Variants in DTNA observed in about 807,000 individuals in gnomAD.
DTNA encodes dystrophin-related protein 3.
A neutral mutation model predicts 100.7 loss-of-function variants in DTNA; 43 were observed. That is an observed-to-expected ratio of 0.43 (90% CI 0.33 to 0.55). The LOEUF is 0.55. DTNA is among the 20% of genes least tolerant of loss of function. The pLI is 0.04. For missense variants in DTNA, 798 were observed against 953.9 expected, an observed-to-expected ratio of 0.84 and a Z score of 2.15; for synonymous variants, 349 against 347.9, an observed-to-expected ratio of 1.00 and a Z score of -0.04.
chr18:34,705,359 C>G (rs2081984300), upstream of DTNA, among the ~76,000 whole-genome samples: 1 of 152,114 alleles, frequency 6.6e-6, no homozygotes, highest in Non-Finnish European at 1.5e-5. Flanking sequence ...ACTACCATTC[C>G]TGACTTGGAC....
chr18:34,553,989 AC>A (rs2045745526), intron 1 of DTNA, among the ~76,000 whole-genome samples: 2 of 148,856 alleles, frequency 1.3e-5, no homozygotes, highest in South Asian at 4.3e-4. Flanking sequence ...TTTTCACGAT[AC>A]TGATTCTTCC....
chr18:34,887,810 T>C lies in DTNA; in HGVS notation c.*76T>C. The stretch of plus-strand genomic sequence containing the variant: ...ATGATGAAAGTAACATGAAAACTGG[T>C]GATGATGGAGAGCCCTGTGGCCACA... On this transcript the variant is annotated 3_prime_UTR_variant, in exon 23 of 23. Coordinates refer to ENST00000444659, the MANE Select transcript of DTNA (RefSeq NM_001386795.1). The C allele has an allele frequency of 1.0e-6, 1 of 985,672 alleles. No individual in the cohort carries two copies. 61.1% of individuals were successfully genotyped at this position (985,672 alleles called of 1,614,324 possible).
At chr18:34,503,549 G>A (rs976176805) in intron 1 of DTNA, among the ~76,000 whole-genome samples, 12 of 151,992 alleles carry the variant, frequency 7.9e-5, no homozygotes, top group South Asian at 4.1e-4. Context: ...CTCCCAAAGC[G>A]CTGGGATTAT....
rs117966460 is a variant in DTNA at position 34,614,440 on chromosome 18, C to G, written c.-2+120926C>G. On this transcript the variant is annotated intron_variant, in intron 1 of 19. Coordinates refer to the DTNA transcript ENST00000283365. ...GCTGTAGCTGCAATAGACAATGATT[C>G]CTCTGATGGATCTGGACAAAGTAAA... Among the ~76,000 whole-genome samples the G allele has an allele frequency of 4.9e-4, 74 of 152,226 alleles. 1 individual carries two copies. In the East Asian group the frequency reaches 0.014, roughly 28 times the overall value.
chr18:34,726,289 T>C (rs3931636), intron 1 of DTNA, among the ~76,000 whole-genome samples: 16,679 of 152,058 alleles, frequency 0.11, 1,290 homozygotes, highest in African/African-American at 0.21. Flanking sequence ...GGGATCAGAA[T>C]ATCCAAATCT....
At chr18:34,829,310 G>C in intron 10 of DTNA, 90 bp from the exon 11 acceptor site, 3 of 1,525,534 alleles carry the variant, frequency 2.0e-6, no homozygotes, top group Non-Finnish European at 2.6e-6. Context: ...GTTCAATAAA[G>C]CTGTGTACAC....
At chr18:34,751,030 G>A (rs1383753140) in intron 1 of DTNA, among the ~76,000 whole-genome samples, 2 of 152,228 alleles carry the variant, frequency 1.3e-5, no homozygotes, top group Non-Finnish European at 2.9e-5. Flanking sequence ...GGGGCAAAGA[G>A]TTGGAGCCAT....
chr18:34,534,206 G>A (rs771081981), intron 1 of DTNA, among the ~76,000 whole-genome samples: 3 of 151,964 alleles, frequency 2.0e-5, no homozygotes, highest in African/African-American at 7.3e-5. Flanking sequence ...AAAATTAGCC[G>A]GGCATGGTGG....
chr18:34,601,468 G>C (rs958411907), intron 1 of DTNA, among the ~76,000 whole-genome samples: 1 of 152,106 alleles, frequency 6.6e-6, no homozygotes, highest in Non-Finnish European at 1.5e-5. Context: ...CCAGCGTCTG[G>C]AGTCAAGTCC....
chr18:34,663,434 G>T (rs2075473242), intron 1 of DTNA, among the ~76,000 whole-genome samples: 1 of 152,090 alleles, frequency 6.6e-6, no homozygotes, highest in African/African-American at 2.4e-5. Flanking sequence ...CAAAGTGTTG[G>T]GATTAGAGGC....
intron 1 of DTNA, among the ~76,000 whole-genome samples, chr18:34,595,341 T>C (rs1210185909): frequency 6.6e-6 from 1 of 152,172 alleles, no homozygotes; most frequent in Non-Finnish European, 1.5e-5. Flanking sequence ...GAAAATATGT[T>C]AGGCTTACCA....
rs113373220 is a variant in DTNA at position 34,839,533 on chromosome 18, A to G, written c.1346+696A>G. Among the ~76,000 whole-genome samples the G allele has an allele frequency of 2.5e-3, 375 of 152,340 alleles. 2 individuals are homozygous for G. The highest frequency in any genetic ancestry group is 4.8e-3 in the South Asian group (23 of 4,828). The stretch of plus-strand genomic sequence containing the variant: ...CTTCCATTGGTTAAAGTTACTTGAT[A>G]TTAATAATAAATGTGGATTTGCAGC... On this transcript the variant is annotated intron_variant, in intron 13 of 22. Coordinates refer to ENST00000444659, the MANE Select transcript of DTNA (RefSeq NM_001386795.1).
chr18:34,698,850 AG>A (rs1368613449), intron 1 of DTNA, among the ~76,000 whole-genome samples: 1 of 152,036 alleles, frequency 6.6e-6, no homozygotes, highest in East Asian at 1.9e-4. Flanking sequence ...GATTGAGGGT[AG>A]GTCTGCCATT....
At chr18:34,791,898 G>T (rs1006592249) in intron 3 of DTNA, among the ~76,000 whole-genome samples, 1 of 152,128 alleles carries the variant, frequency 6.6e-6, no homozygotes, top group Admixed American at 6.5e-5. Context: ...AAGGAAGTGA[G>T]ACTCTAAGTC....
chr18:34,646,769 G>A lies in DTNA; in HGVS notation c.-1-109207G>A, dbSNP rs185768848. Among the ~76,000 whole-genome samples, 451 of 152,112 alleles carry A rather than the reference G, an allele frequency of 3.0e-3. 1 individual carries two copies. Among genetic ancestry groups the A allele is most frequent in the Admixed American group, 4.8e-3 (73 of 15,282 alleles). On this transcript the variant is annotated intron_variant, in intron 1 of 19. Transcript: ENST00000283365. ...TGTCACCAGACTGGAGTGCAGTGGC[G>A]CGATCTTGGCTCACTGCGACCCTGC...
intron 5 of DTNA, among the ~76,000 whole-genome samples, chr18:34,808,497 GA>G (rs2095418217): frequency 6.6e-6 from 1 of 152,230 alleles, no homozygotes; most frequent in African/African-American, 2.4e-5. Context: ...CCTGTGCTCA[GA>G]AGGGCCATCC....
intron 15 of DTNA, among the ~76,000 whole-genome samples, chr18:34,858,013 C>T (rs1020404103): frequency 1.3e-5 from 2 of 152,072 alleles, no homozygotes; most frequent in Non-Finnish European, 2.9e-5. Context: ...GATGACTGGA[C>T]CCTGGTGATT....
chr18:34,867,375 A>G, intron 17 of DTNA: 1 of 1,229,514 alleles, frequency 8.1e-7, no homozygotes, highest in African/African-American at 1.6e-5. Context: ...TTACTAAATT[A>G]AAGTCAAATT....
chr18:34,698,634 CA>C (rs2080939985), intron 1 of DTNA, among the ~76,000 whole-genome samples: 1 of 152,140 alleles, frequency 6.6e-6, no homozygotes, highest in South Asian at 2.1e-4. Flanking sequence ...CACACGATCA[CA>C]AGGTAAGGTC....
Sources: gnomAD v4.1 joint callset for allele counts (sites outside exome capture counted in the v4.1 genomes callset) on GRCh38, gnomAD v4.1.1 for gene constraint, MANE v1.5 for transcripts, NCBI Gene and HGNC (gene_info 2026-07-23, HGNC 2026-07-21) for gene names.